Variants in NOX4 observed in about 807,000 individuals in gnomAD.
NOX4 encodes NADPH oxidase 4.
In NOX4, 69 loss-of-function variants were observed where a neutral mutation model predicts 87.6. That is an observed-to-expected ratio of 0.79 (90% CI 0.65 to 0.96). The LOEUF (loss-of-function observed/expected upper bound fraction) is 0.96, where lower values mean the gene tolerates loss of function less well. Ranked by LOEUF, NOX4 falls within the 40% of genes least tolerant of loss-of-function variation. The probability of loss-of-function intolerance (pLI) is 0.00; values close to 1 mark genes in which losing one functional copy is unlikely to be tolerated. For missense variants in NOX4, 680 were observed against 681.5 expected (o/e 1.00, Z 0.02); for synonymous variants, 275 against 238.2 (o/e 1.15, Z -1.42).
chr11:89,337,443 A>G lies in NOX4; in HGVS notation c.1515+4T>C. 6.2e-7 allele frequency: 1 copy of G among 1,611,898 alleles called. No individual in the cohort carries two copies. Among genetic ancestry groups the G allele is most frequent in the Non-Finnish European group, 8.5e-7 (1 of 1,178,524 alleles). On this transcript the variant is annotated splice_donor_region_variant and intron_variant, in intron 16 of 17. Transcript: ENST00000263317. ...TTTAATTTACGATAACATCAACCAC[A>G]TACCTGTATCCCATCTGTTTGACTG...
At chr11:89,438,869 A>AG (rs1944295767) in intron 6 of NOX4, among the ~76,000 whole-genome samples, 3 of 46,342 alleles carry the variant, frequency 6.5e-5, no homozygotes, top group African/African-American at 5.6e-4. Context: ...TATATATTAT[A>AG]TATATAATAT....
upstream of NOX4, among the ~76,000 whole-genome samples, chr11:89,493,721 T>TTTTATTA (rs372046431): frequency 2.3e-3 from 333 of 142,286 alleles, 1 homozygote; most frequent in African/African-American, 7.1e-3. Context: ...GCCAGATTGT[T>TTTTATTA]TTATTATTAT....
intron 2 of NOX4, among the ~76,000 whole-genome samples, chr11:89,458,299 T>C (rs1342607848): frequency 6.6e-6 from 1 of 152,036 alleles, no homozygotes; most frequent in Non-Finnish European, 1.5e-5. Context: ...TAAAGCAATA[T>C]AAAAATTAAT....
the NOX4 span, among the ~76,000 whole-genome samples, chr11:89,560,996 C>CTCTCTCTATATATATA: frequency 1.5e-4 from 6 of 40,802 alleles, no homozygotes; most frequent in African/African-American, 6.6e-4. Flanking sequence ...CTCTCTCTCT[C>CTCTCTCTATATATATA]TATATATATA....
chr11:89,534,447 TCTC>T, the NOX4 span, among the ~76,000 whole-genome samples: 1 of 152,170 alleles, frequency 6.6e-6, no homozygotes, highest in Admixed American at 6.5e-5. Flanking sequence ...TCTCTCCACC[TCTC>T]CTCCTCTTCA....
Position 89,407,999 on chromosome 11 carries a change from A to G in NOX4, c.630-5457T>C, listed in dbSNP as rs191302004. Among the ~76,000 whole-genome samples, 1,234 of 150,614 alleles carry G rather than the reference A, an allele frequency of 8.2e-3. 19 individuals carry two copies. Among genetic ancestry groups the G allele is most frequent in the African/African-American group, 0.029 (1,176 of 40,912 alleles). On this transcript the variant is annotated intron_variant, in intron 8 of 17. Coordinates refer to ENST00000263317, the MANE Select transcript of NOX4 (RefSeq NM_016931.5). ...TTTTATAATATGATTTTTTTTCTTT[A>G]TGGTAAAAATATATCTTGATTCTGA... is the stretch of plus-strand genomic sequence containing the variant.
At chr11:89,532,516 A>G in the NOX4 span, among the ~76,000 whole-genome samples, 2 of 152,176 alleles carry the variant, frequency 1.3e-5, no homozygotes, top group African/African-American at 4.8e-5. Flanking sequence ...TTATCTAGGA[A>G]GTAACTAACT....
At chr11:89,507,404 A>G in the NOX4 span, among the ~76,000 whole-genome samples, 1 of 151,232 alleles carries the variant, frequency 6.6e-6, no homozygotes, top group Non-Finnish European at 1.5e-5. Context: ...TAATACACAT[A>G]ATAGGTAATA....
At chr11:89,539,643 T>C in the NOX4 span, among the ~76,000 whole-genome samples, 1 of 152,044 alleles carries the variant, frequency 6.6e-6, no homozygotes, top group Non-Finnish European at 1.5e-5. Flanking sequence ...CTAACTTTCT[T>C]AGAGAATGAG....
chr11:89,430,807 C>T (rs1943737430), intron 7 of NOX4, among the ~76,000 whole-genome samples: 1 of 152,148 alleles, frequency 6.6e-6, no homozygotes, highest in Non-Finnish European at 1.5e-5. Flanking sequence ...TCAGTTGCAT[C>T]CTCATCAAGC....
At position 89,491,248 on chromosome 11, in the gene NOX4, C is replaced by T. The variant is rs865863734; in HGVS notation, c.-2G>A. The stretch of plus-strand genomic sequence containing the variant: ...CCAGCTCCTCCAGGACACAGCCATG[C>T]CGCCGGCCCCGCCGCGCTGCGCTCT... On this transcript the variant is annotated 5_prime_UTR_variant, in exon 1 of 18. Transcript: ENST00000263317. The T allele has an allele frequency of 1.5e-5, 24 of 1,611,012 alleles. No homozygotes were observed. The highest frequency in any genetic ancestry group is 1.7e-5 in the Non-Finnish European group (20 of 1,178,700).
At chr11:89,512,406 C>T in the NOX4 span, among the ~76,000 whole-genome samples, 1,111 of 152,092 alleles carry the variant, frequency 7.3e-3, 11 homozygotes, top group African/African-American at 0.025. Context: ...AACTTTATAC[C>T]ATTTAACCAA....
At chr11:89,499,721 C>T (rs1008043200), upstream of NOX4, among the ~76,000 whole-genome samples, 2 of 152,108 alleles carry the variant, frequency 1.3e-5, no homozygotes, top group African/African-American at 4.8e-5. Flanking sequence ...CTGTATAATA[C>T]GTTGGTTTAT....
intron 11 of NOX4, among the ~76,000 whole-genome samples, chr11:89,388,955 A>G (rs1442349409): frequency 6.6e-6 from 1 of 152,152 alleles, no homozygotes; most frequent in Non-Finnish European, 1.5e-5. Flanking sequence ...GCTATCATTA[A>G]CTGCACTTTT....
upstream of NOX4, chr11:89,498,741 G>C (rs2135509752): frequency 6.6e-6 from 1 of 152,338 alleles, no homozygotes. Context: ...CTATGTTTGT[G>C]GCATGCTAGT....
chr11:89,416,843 T>A (rs1379345039), intron 8 of NOX4, among the ~76,000 whole-genome samples: 1 of 152,222 alleles, frequency 6.6e-6, no homozygotes, highest in African/African-American at 2.4e-5. Context: ...TAACTCTTGC[T>A]AACAAGTAGT....
At chr11:89,456,797 G>T (rs576227814) in intron 2 of NOX4, among the ~76,000 whole-genome samples, 1 of 152,292 alleles carries the variant, frequency 6.6e-6, no homozygotes, top group South Asian at 2.1e-4. Flanking sequence ...TTTGGGACAG[G>T]AACAGCTGCA....
chr11:89,543,613 A>G, the NOX4 span, among the ~76,000 whole-genome samples: 1 of 152,120 alleles, frequency 6.6e-6, no homozygotes, highest in Admixed American at 6.5e-5. Context: ...ATTTTACATA[A>G]TAGGGAGTCG....
At chr11:89,391,211 G>C (rs11018598) in intron 11 of NOX4, among the ~76,000 whole-genome samples, 14,320 of 152,072 alleles carry the variant, frequency 0.094, 813 homozygotes, top group South Asian at 0.19. Flanking sequence ...TTAATGACTG[G>C]TGTTGAAGAG....
Sources: gnomAD v4.1 joint callset for allele counts (sites outside exome capture counted in the v4.1 genomes callset) on GRCh38, gnomAD v4.1.1 for gene constraint, MANE v1.5 for transcripts, NCBI Gene and HGNC (gene_info 2026-07-23, HGNC 2026-07-21) for gene names.